The following ZNF688 variants were observed in gnomAD, a reference collection of about 807,000 sequenced individuals.
The protein encoded by ZNF688 is zinc finger protein 688.
In ZNF688, 10 loss-of-function variants were observed where a neutral mutation model predicts 13.2. The ratio of observed to expected loss-of-function variants is 0.76; its 90% CI spans 0.47 to 1.28. The LOEUF is 1.28. Ranked by LOEUF, ZNF688 falls within the 50% of genes most tolerant of loss-of-function variation. ZNF688 has a pLI of 0.00. For synonymous variants in ZNF688, 160 were observed against 159.4 expected (o/e 1.00, Z -0.03); for missense variants, 381 against 391.4 (o/e 0.97, Z 0.22).
chr16:30,572,452 C>A, upstream of ZNF688: 1 of 581,354 alleles, frequency 1.7e-6, no homozygotes, highest in Non-Finnish European at 2.6e-6. Context: ...GTCCACCCAG[C>A]CCCTGGCATC....
In ZNF688 at chr16:30,570,054, C is replaced by T; in HGVS notation, c.693G>A (p.Trp231Ter). 1 of 1,610,900 alleles carries T rather than the reference C, an allele frequency of 6.2e-7. No homozygotes were observed. The highest frequency in any genetic ancestry group is 8.5e-7 in the Non-Finnish European group (1 of 1,179,232). The change falls in exon 3 of 3, where the codon TGG becomes TGA. Residue 231 changes from tryptophan to a stop codon, truncating the protein, a stop_gained. Transcript: ENST00000223459. LOFTEE classifies it high-confidence loss of function. The part of the protein sequence containing the change: ...KRKFAVEAHQ[W>*]IHRSCSGGRR... ...GCCCCCCGGAGCAGGAGCGGTGGAT[C>T]CACTGGTGCGCTTCCACTGCGAACT...
upstream of ZNF688, among the ~76,000 whole-genome samples, chr16:30,574,544 TA>T (rs201994070): frequency 2.0e-3 from 266 of 135,180 alleles, no homozygotes; most frequent in East Asian, 2.7e-3. Flanking sequence ...AGACTCCATC[TA>T]AAAAAAAAAA....
upstream of ZNF688, chr16:30,573,767 C>A: frequency 4.5e-6 from 1 of 221,596 alleles, no homozygotes; most frequent in South Asian, 5.1e-5. Context: ...GTGACTCCTG[C>A]TGATCTCATA....
intron 2 of ZNF688, 123 bp downstream of exon 2, chr16:30,570,887 C>T (rs2051665913): frequency 1.8e-6 from 2 of 1,082,482 alleles, no homozygotes; most frequent in Admixed American, 2.0e-5. Flanking sequence ...GCCTTCTTTA[C>T]TCCTCTAGTA....
chr16:30,573,620 C>A (rs1190534430), upstream of ZNF688: 1 of 160,350 alleles, frequency 6.2e-6, no homozygotes, highest in African/African-American at 2.4e-5. Flanking sequence ...TGCTTGGCTC[C>A]CCTGCCAGCC....
At chr16:30,573,242 T>C (rs969371673), upstream of ZNF688, among the ~76,000 whole-genome samples, 7 of 152,346 alleles carry the variant, frequency 4.6e-5, no homozygotes, top group Admixed American at 3.9e-4. Flanking sequence ...TTCCAAATTA[T>C]CAAAGATAGC....
At chr16:30,577,570 T>C (rs2051758589), upstream of ZNF688, among the ~76,000 whole-genome samples, 1 of 151,834 alleles carries the variant, frequency 6.6e-6, no homozygotes, top group Admixed American at 6.6e-5. Flanking sequence ...GAGACAGGGT[T>C]TCACCATGTT....
At chr16:30,574,009 G>A (rs2051723080), upstream of ZNF688, 1 of 195,276 alleles carries the variant, frequency 5.1e-6, no homozygotes, top group South Asian at 7.2e-5. Context: ...CACTTTGGGA[G>A]GCTGAGGTGG....
chr16:30,578,165 TACAAAAAA>T, the ZNF688 span, among the ~76,000 whole-genome samples: 2 of 152,010 alleles, frequency 1.3e-5, no homozygotes, highest in Non-Finnish European at 2.9e-5. Context: ...ACCCCATCTG[TACAAAAAA>T]TACAAAAATT....
upstream of ZNF688, chr16:30,572,050 C>CG: frequency 4.9e-6 from 7 of 1,428,600 alleles, no homozygotes; most frequent in South Asian, 1.6e-5. Flanking sequence ...GTGGGGGAGG[C>CG]GGGGTGTCTG....
chr16:30,572,319 C>T (rs755347240), upstream of ZNF688: 1 of 1,399,946 alleles, frequency 7.1e-7, no homozygotes, highest in South Asian at 1.6e-5. Flanking sequence ...CTTACCGTGC[C>T]TCCCGATGGC....
Position 30,571,423 on chromosome 16 carries a change from G to A in ZNF688, c.196+11C>T, listed in dbSNP as rs952349224. 2 of 1,558,002 alleles carry A rather than the reference G, an allele frequency of 1.3e-6. No individual in the cohort carries two copies. Among genetic ancestry groups the A allele is most frequent in the African/African-American group, 2.7e-5 (2 of 73,422 alleles). On this transcript the variant is annotated intron_variant, in intron 1 of 2. Transcript: ENST00000223459. ...GTGAAGGAGGAGGGGGCTCGGACCC[G>A]GGGCTCTCACCGAGCGCGCCCAGGT...
the ZNF688 span, chr16:30,579,615 A>G: frequency 1.9e-4 from 64 of 342,368 alleles, no homozygotes; most frequent in Non-Finnish European, 3.2e-4. Flanking sequence ...CCTGACCTCA[A>G]GTGATTAACC....
chr16:30,579,706 C>G, the ZNF688 span: 2 of 439,174 alleles, frequency 4.6e-6, no homozygotes, highest in Middle Eastern at 6.7e-4. Flanking sequence ...ATCTTGGAAC[C>G]CAAGGATTCA....
chr16:30,572,377 C>T (rs2051701468), upstream of ZNF688: 10 of 1,313,702 alleles, frequency 7.6e-6, no homozygotes, highest in Admixed American at 3.2e-5. Flanking sequence ...CGCGCACACC[C>T]TGGCAAACCA....
rs528760504 is a variant in ZNF688, at chr16:30,570,030, C to T, written c.717G>A (p.Gly239=). ...HQWIHRSCSG[G]RRGRRPGIRA... is the part of the protein sequence containing the mutation. Reference sequence around the variant, plus strand: ...GGATCCCAGGCCTCCGGCCCCGCCGCCCCCCGGAGCAGGAGCGGTGGATCC... The same window carrying T: ...GGATCCCAGGCCTCCGGCCCCGCCGTCCCCCGGAGCAGGAGCGGTGGATCC... Residue 239 remains glycine (G), a synonymous_variant, in exon 3 of 3, where the codon GGG becomes GGA. Coordinates refer to ENST00000223459, the MANE Select transcript of ZNF688 (RefSeq NM_145271.4). The T allele has an allele frequency of 2.0e-5, 32 of 1,610,754 alleles. 1 individual carries two copies. In the African/African-American group the frequency reaches 2.9e-4, roughly 15 times the overall value.
intron 2 of ZNF688, 71 bp downstream of exon 2, chr16:30,570,939 G>T (rs571533290): frequency 6.8e-7 from 1 of 1,469,740 alleles, no homozygotes; most frequent in South Asian, 1.2e-5. Context: ...GGAAGTGGGG[G>T]CCTGAAAAGA....
chr16:30,577,271 GT>G (rs2051755246), upstream of ZNF688, among the ~76,000 whole-genome samples: 1 of 151,650 alleles, frequency 6.6e-6, no homozygotes, highest in South Asian at 2.1e-4. Context: ...AAATACTTTT[GT>G]TTCTTCAGAT....
chr16:30,579,898 G>GT, the ZNF688 span: 1 of 453,444 alleles, frequency 2.2e-6, no homozygotes, highest in Non-Finnish European at 4.4e-6. Context: ...GTTTTGTTTT[G>GT]TTTTTTGAGA....
Sources: allele counts gnomAD v4.1 joint callset (sites outside exome capture counted in the v4.1 genomes callset), GRCh38; gene constraint gnomAD v4.1.1; transcripts MANE v1.5; gene names NCBI Gene and HGNC (gene_info 2026-07-23, HGNC 2026-07-21).